Variants in LIN28B observed in about 807,000 individuals in gnomAD.
LIN28B encodes the protein lin-28 RNA binding posttranscriptional regulator B.
In LIN28B, 5 loss-of-function variants were observed where a neutral mutation model predicts 21.9. The observed-to-expected ratio is 0.23, with a 90% CI of 0.12 to 0.48. The LOEUF (loss-of-function observed/expected upper bound fraction) is 0.48, where lower values mean the gene tolerates loss of function less well. Among genes scored for constraint, LIN28B ranks in the 20% least tolerant of loss-of-function variants. LIN28B has a pLI of 0.98. For synonymous variants in LIN28B, 109 were observed against 111.3 expected (o/e 0.98, Z 0.13); for missense variants, 245 against 310.5 (o/e 0.79, Z 1.58).
intron 2 of LIN28B, among the ~76,000 whole-genome samples, chr6:105,015,991 A>C (rs1468573959): frequency 6.6e-6 from 1 of 152,160 alleles, no homozygotes; most frequent in Non-Finnish European, 1.5e-5. Flanking sequence ...CTCCATGTAA[A>C]ATCAGAGATA....
exon 3 of LIN28B, chr6:104,950,469 G>A (rs1778208224): frequency 8.1e-7 from 1 of 1,228,330 alleles, no homozygotes; most frequent in Non-Finnish European, 1.0e-6. Flanking sequence ...AGGTTCTTCA[G>A]AAGAGGATGA....
chr6:104,967,854 C>T (rs1318747919), intron 2 of LIN28B, among the ~76,000 whole-genome samples: 4 of 151,906 alleles, frequency 2.6e-5, no homozygotes, highest in South Asian at 2.1e-4. Flanking sequence ...CATGCCACTG[C>T]GCCTGGCTAA....
At chr6:104,943,119 A>G (rs1325766269) in intron 2 of LIN28B, among the ~76,000 whole-genome samples, 1 of 152,162 alleles carries the variant, frequency 6.6e-6, no homozygotes, top group African/African-American at 2.4e-5. Flanking sequence ...CGAGATTTAA[A>G]ATAGTAGTGC....
chr6:104,943,982 C>T (rs928324609), intron 2 of LIN28B, among the ~76,000 whole-genome samples: 1 of 152,082 alleles, frequency 6.6e-6, no homozygotes, highest in Non-Finnish European at 1.5e-5. Flanking sequence ...CAATGATGCT[C>T]GACAAAGTCG....
chr6:104,990,491 A>G (rs1386634501), intron 2 of LIN28B, among the ~76,000 whole-genome samples: 1 of 150,918 alleles, frequency 6.6e-6, no homozygotes, highest in Admixed American at 6.6e-5. Context: ...CCTTATGTTT[A>G]GTGTGCCTCT....
chr6:104,997,906 T>A (rs1168140162), intron 2 of LIN28B, among the ~76,000 whole-genome samples: 1 of 152,168 alleles, frequency 6.6e-6, no homozygotes, highest in Admixed American at 6.6e-5. Context: ...GATGAGCTTG[T>A]CTTCTTCTAC....
In LIN28B at chr6:105,080,958, G is replaced by A. The variant is rs143543981; in HGVS notation, c.*2175G>A. The A allele has an allele frequency of 3.7e-4, 57 of 152,556 alleles. No individual in the cohort carries two copies. The highest frequency in any genetic ancestry group is 1.4e-3 in the African/African-American group (57 of 41,518). 9.5% of individuals were successfully genotyped at this position (152,556 alleles called of 1,614,324 possible). A position where few individuals can be genotyped will look rare whatever the true frequency, so the allele number is the denominator to read the frequency against. On this transcript the variant is annotated 3_prime_UTR_variant, in exon 4 of 4. Transcript: ENST00000345080. Reference sequence around the variant, plus strand: ...GCTAAAATCATGGTAAAAAAAAATAGAAACACTTGAGAACTATGGTCTTTA... The same window carrying A: ...GCTAAAATCATGGTAAAAAAAAATAAAAACACTTGAGAACTATGGTCTTTA...
At chr6:105,066,261 A>AG (rs1257136186) in intron 3 of LIN28B, among the ~76,000 whole-genome samples, 15 of 152,334 alleles carry the variant, frequency 9.8e-5, no homozygotes, top group African/African-American at 3.6e-4. Flanking sequence ...ATACACCAAT[A>AG]GAGAGGTGTT....
chr6:104,987,898 C>T (rs1472135319), intron 2 of LIN28B, among the ~76,000 whole-genome samples: 1 of 152,016 alleles, frequency 6.6e-6, no homozygotes, highest in Admixed American at 6.6e-5. Flanking sequence ...TGCCCACCAC[C>T]ACGCTTGGCT....
At chr6:105,077,636 A>G (rs1277998989) in intron 3 of LIN28B, among the ~76,000 whole-genome samples, 4 of 152,186 alleles carry the variant, frequency 2.6e-5, no homozygotes, top group Non-Finnish European at 5.9e-5. Flanking sequence ...AAGAAAGCTA[A>G]TTTCTTACAA....
upstream of LIN28B, among the ~76,000 whole-genome samples, chr6:104,955,476 GAAAAT>G (rs1373684539): frequency 2.0e-5 from 3 of 152,000 alleles, no homozygotes; most frequent in African/African-American, 7.2e-5. Context: ...AAAAACAGCT[GAAAAT>G]AACTTCTATT....
chr6:104,982,469 G>A (rs1770246315), intron 2 of LIN28B, among the ~76,000 whole-genome samples: 1 of 152,146 alleles, frequency 6.6e-6, no homozygotes, highest in South Asian at 2.1e-4. Context: ...AGCAAAAGTT[G>A]TTAAATAAGT....
Position 105,026,407 on chromosome 6 carries a change from G to A in LIN28B, c.308G>A (p.Gly103Asp). ...GLESIRVTGP[G>D]GSPCLGSERR... ...GAGTCAATACGGGTAACAGGACCTGGTGGGAGCCCCTGTTTAGGAAGTGAA... is the reference window on the plus strand; with the variant it reads ...GAGTCAATACGGGTAACAGGACCTGATGGGAGCCCCTGTTTAGGAAGTGAA... The change falls in exon 3 of 4, where the codon GGT (glycine) becomes GAT (aspartate). Residue 103 changes from glycine (G) to aspartate (D), a missense_variant. Transcript: ENST00000345080. 6.2e-7 allele frequency: 1 copy of A among 1,611,314 alleles called. No individual in the cohort carries two copies. The highest frequency in any genetic ancestry group is 1.3e-5 in the African/African-American group (1 of 74,942).
At chr6:105,003,484 CTCTT>C (rs2114294778) in intron 2 of LIN28B, among the ~76,000 whole-genome samples, 1 of 152,168 alleles carries the variant, frequency 6.6e-6, no homozygotes, top group South Asian at 2.1e-4. Context: ...AGATCTCTCT[CTCTT>C]TCTCTCCCTG....
intron 3 of LIN28B, among the ~76,000 whole-genome samples, chr6:105,075,197 G>C (rs1772402052): frequency 6.6e-6 from 1 of 152,130 alleles, no homozygotes; most frequent in Admixed American, 6.6e-5. Context: ...TAAGCATATA[G>C]CTAAAAATGG....
chr6:105,070,592 CCA>C (rs752057191), intron 3 of LIN28B, among the ~76,000 whole-genome samples: 13,251 of 91,844 alleles, frequency 0.14, 766 homozygotes, highest in Middle Eastern at 0.26. Context: ...ATCAATAAAA[CCA>C]CACACACACA....
At chr6:104,977,178 T>C (rs888253087) in intron 2 of LIN28B, among the ~76,000 whole-genome samples, 3 of 152,112 alleles carry the variant, frequency 2.0e-5, no homozygotes, top group Admixed American at 2.0e-4. Context: ...TTAAAATCTT[T>C]CTTCTCATAT....
rs532086511 is a variant in LIN28B, at chr6:105,044,804, C to T, written c.383+18322C>T. 9.2e-5 allele frequency among the ~76,000 whole-genome samples: 14 copies of T among 152,144 alleles called. No homozygotes were observed. In the East Asian group the frequency reaches 9.6e-4, roughly 10 times the overall value. ...CCTGGCTTTTAGTGTACCTCTTGCC[C>T]GACTAGTGCACGTTCTACCCAATGG... On this transcript the variant is annotated intron_variant, in intron 3 of 3. Transcript: ENST00000345080.
intron 3 of LIN28B, among the ~76,000 whole-genome samples, chr6:105,054,386 A>T (rs1433499725): frequency 2.6e-5 from 4 of 152,178 alleles, no homozygotes; most frequent in Non-Finnish European, 5.9e-5. Context: ...TCTCTGTGCT[A>T]TTATGTCATA....
Sources: allele counts gnomAD v4.1 joint callset (sites outside exome capture counted in the v4.1 genomes callset), GRCh38; gene constraint gnomAD v4.1.1; transcripts MANE v1.5; gene names NCBI Gene and HGNC (gene_info 2026-07-23, HGNC 2026-07-21).